RELCH: variants seen among roughly 807,000 people sequenced by gnomAD.
RELCH encodes RAB11 binding and LisH domain, coiled-coil and HEAT repeat containing, also known as RAB11-binding protein RELCH.
RELCH carries 41 observed loss-of-function variants against 150.3 expected under a neutral mutation model. The observed-to-expected ratio is 0.27, with a 90% CI of 0.21 to 0.35. RELCH has a LOEUF of 0.35. RELCH is among the 10% of genes least tolerant of loss of function. RELCH has a pLI of 1.00. For synonymous variants in RELCH, 478 were observed against 531.8 expected, an observed-to-expected ratio of 0.90 and a Z score of 1.39; for missense variants, 1,092 against 1,467.8, an observed-to-expected ratio of 0.74 and a Z score of 4.18.
Position 62,268,906 on chromosome 18 carries a change from A to G in RELCH, c.2718A>G (p.Thr906=). ...SAGNGVLTKA[T]VPIYATGVLT... is the part of the protein sequence containing the mutation. ...GAAATGGGGTCCTCACTAAAGCTAC[A>G]GTCCCCATTTATGCAACAGGAGTCC... Residue 906 remains threonine, a synonymous_variant, in exon 20 of 29, where the codon ACA becomes ACG. Coordinates refer to ENST00000644646, the MANE Select transcript of RELCH (RefSeq NM_001346231.2). 1 of 1,554,724 alleles carries G rather than the reference A, an allele frequency of 6.4e-7. No homozygotes were observed. Among genetic ancestry groups the G allele is most frequent in the South Asian group, 1.2e-5 (1 of 80,690 alleles).
intron 10 of RELCH, among the ~76,000 whole-genome samples, chr18:62,239,751 G>A (rs937317882): frequency 2.6e-5 from 4 of 151,874 alleles, no homozygotes; most frequent in Non-Finnish European, 5.9e-5. Context: ...CTAAAGCCCC[G>A]TGTTAGTGCT....
rs778110726 is a variant in RELCH at position 62,305,370 on chromosome 18, AT to A, written c.3531-37del. On this transcript the variant is annotated intron_variant, in intron 28 of 28. Coordinates refer to ENST00000644646, the MANE Select transcript of RELCH (RefSeq NM_001346231.2). The surrounding 1 kb of genome is among the most constrained non-coding windows in gnomAD (Gnocchi z 4.0). Reference sequence around the variant, plus strand: ...GCTACTAAATAAATGAAAAATTTTTATTTTTTTAATTGCTTTACATGAATTT... The same window carrying A: ...GCTACTAAATAAATGAAAAATTTTTATTTTTTAATTGCTTTACATGAATTT... The A allele has an allele frequency of 4.5e-6, 7 of 1,547,828 alleles. No individual in the cohort carries two copies. Among genetic ancestry groups the A allele is most frequent in the South Asian group, 3.7e-5 (3 of 81,296 alleles).
At chr18:62,300,161 A>G (rs1222720081) in intron 28 of RELCH, 1 of 152,192 alleles carries the variant, frequency 6.6e-6, no homozygotes, top group East Asian at 1.9e-4. Context: ...AGTTTCCCAC[A>G]GTCTGAATTT....
At chr18:62,267,690 T>A (rs2043663646) in intron 19 of RELCH, among the ~76,000 whole-genome samples, 1 of 151,806 alleles carries the variant, frequency 6.6e-6, no homozygotes, top group Non-Finnish European at 1.5e-5. Flanking sequence ...ACTCCTAATG[T>A]TTATTTTTAA....
chr18:62,264,671 C>T, intron 17 of RELCH, 58 bp from the exon 18 acceptor site: 1 of 1,314,502 alleles, frequency 7.6e-7, no homozygotes, highest in South Asian at 1.3e-5. Context: ...CAGAAATTGG[C>T]AAGGAAACAG....
chr18:62,233,147 T>TTA (rs1220801607), intron 10 of RELCH, among the ~76,000 whole-genome samples: 1 of 151,672 alleles, frequency 6.6e-6, no homozygotes, highest in Non-Finnish European at 1.5e-5. Context: ...ATAGTTATAT[T>TTA]TAGTCAAAAG....
chr18:62,244,902 A>G, intron 11 of RELCH, 26 bp downstream of exon 11: 1 of 1,410,518 alleles, frequency 7.1e-7, no homozygotes. Flanking sequence ...TATGTGAAAA[A>G]GAAATACAAT....
At chr18:62,274,481 T>C (rs2044083924) in intron 21 of RELCH, among the ~76,000 whole-genome samples, 1 of 152,234 alleles carries the variant, frequency 6.6e-6, no homozygotes, top group South Asian at 2.1e-4. Context: ...TCACATCATC[T>C]GGCTGCTAAA....
intron 11 of RELCH, among the ~76,000 whole-genome samples, chr18:62,251,046 G>C (rs1022787246): frequency 3.3e-5 from 5 of 152,256 alleles, no homozygotes; most frequent in African/African-American, 9.6e-5. Flanking sequence ...ATTCTGAAGA[G>C]TGCAAAGTCT....
At chr18:62,251,589 T>C (rs775103855) in intron 11 of RELCH, among the ~76,000 whole-genome samples, 7 of 152,214 alleles carry the variant, frequency 4.6e-5, no homozygotes, top group Non-Finnish European at 1.0e-4. Context: ...CACAAGTCAC[T>C]AGGCCCAGTC....
At chr18:62,239,036 G>A (rs2042010814) in intron 10 of RELCH, among the ~76,000 whole-genome samples, 2 of 151,978 alleles carry the variant, frequency 1.3e-5, no homozygotes, top group African/African-American at 4.8e-5. Flanking sequence ...TCGCCTCAGA[G>A]GATCATAACT....
intron 11 of RELCH, among the ~76,000 whole-genome samples, chr18:62,249,491 T>C (rs779270606): frequency 2.0e-5 from 3 of 152,172 alleles, no homozygotes; most frequent in Non-Finnish European, 2.9e-5. Context: ...CAAGGACAAC[T>C]TGGTGGTACT....
At position 62,287,815 on chromosome 18, in the gene RELCH, A is replaced by G. The variant is rs77027467; in HGVS notation, c.3370+348A>G. ...TGTTAATCAAAAGGAAGCCTTGTAT[A>G]TATGACTTGGCATTTAGGTTTTTCA... On this transcript the variant is annotated intron_variant, in intron 26 of 28. Transcript: ENST00000644646. 5.4e-3 allele frequency among the ~76,000 whole-genome samples: 829 copies of G among 152,304 alleles called. 4 individuals carry two copies. The highest frequency in any genetic ancestry group is 0.019 in the African/African-American group (786 of 41,584).
chr18:62,282,213 C>A, intron 24 of RELCH, 93 bp from the exon 25 acceptor site: 1 of 1,095,114 alleles, frequency 9.1e-7, no homozygotes, highest in Non-Finnish European at 1.4e-6. Flanking sequence ...TAATCCACTG[C>A]TTTAAGTCAT....
In RELCH at chr18:62,220,240, T is replaced by A. The variant is rs758108205; in HGVS notation, c.617-797T>A. The stretch of plus-strand genomic sequence containing the variant: ...TCTACTTAATCCTACTCAGTATCCT[T>A]AGAAAACTATACTTTTAGAAATGTA... On this transcript the variant is annotated intron_variant, in intron 2 of 28. Coordinates refer to ENST00000644646, the MANE Select transcript of RELCH (RefSeq NM_001346231.2). 9.1e-4 allele frequency among the ~76,000 whole-genome samples: 139 copies of A among 152,200 alleles called. 1 individual carries two copies. The highest frequency in any genetic ancestry group is 3.4e-3 in the Middle Eastern group (1 of 294).
At position 62,187,616 on chromosome 18, in the gene RELCH, A is replaced by C. The variant is rs574587308; in HGVS notation, c.111A>C (p.Ala37=). 3 of 1,535,364 alleles carry C rather than the reference A, an allele frequency of 2.0e-6. No homozygotes were observed. In the African/African-American group the frequency reaches 4.1e-5, roughly 21 times the overall value. The change falls in exon 1 of 29, where the codon GCA becomes GCC. Residue 37 remains alanine (A), a synonymous_variant. Transcript: ENST00000644646. The part of the protein sequence containing the change: ...DEVAATEERR[A]VLRLGAGSGL... The stretch of plus-strand genomic sequence containing the variant: ...TAGCTGCAACAGAGGAACGGCGGGC[A>C]GTACTTCGGCTGGGCGCCGGAAGTG...
At chr18:62,279,284 ATGGT>A (rs2044377582) in intron 22 of RELCH, among the ~76,000 whole-genome samples, 1 of 152,188 alleles carries the variant, frequency 6.6e-6, no homozygotes, top group Non-Finnish European at 1.5e-5. Flanking sequence ...ATTGTCCTAT[ATGGT>A]TTTAAAATAC....
At chr18:62,249,699 G>C (rs1278492403) in intron 11 of RELCH, among the ~76,000 whole-genome samples, 2 of 151,442 alleles carry the variant, frequency 1.3e-5, no homozygotes, top group African/African-American at 4.8e-5. Context: ...GTACTTACTA[G>C]CCTTACTTCA....
In RELCH at chr18:62,306,597, T is replaced by A. The variant is rs1481130870; in HGVS notation, c.*1063T>A. The A allele has an allele frequency of 6.6e-6, 1 of 152,574 alleles. No individual in the cohort carries two copies. Among genetic ancestry groups the A allele is most frequent in the African/African-American group, 2.4e-5 (1 of 41,434 alleles). The allele number at this position is 152,574 out of a possible 1,614,324, so 9.5% of individuals were successfully genotyped here. A position where few individuals can be genotyped will look rare whatever the true frequency, so the allele number is the denominator to read the frequency against. Reference sequence around the variant, plus strand: ...TTAGTTATCACCTCGTCCCTTAAAGTCAGTGACCTCCTGTGTTTGATGTAT... The same window carrying A: ...TTAGTTATCACCTCGTCCCTTAAAGACAGTGACCTCCTGTGTTTGATGTAT... On this transcript the variant is annotated 3_prime_UTR_variant, in exon 29 of 29. Transcript: ENST00000644646.
Sources: allele counts gnomAD v4.1 joint callset (sites outside exome capture counted in the v4.1 genomes callset), GRCh38; gene constraint gnomAD v4.1.1; non-coding constraint Gnocchi (gnomAD v3.1); transcripts MANE v1.5; gene names NCBI Gene and HGNC (gene_info 2026-07-23, HGNC 2026-07-21).